Variants in CSMD2 observed in about 807,000 individuals in gnomAD.
The protein encoded by CSMD2 is CUB and sushi domain-containing protein 2.
CSMD2 carries 130 observed loss-of-function variants against 398.5 expected under a neutral mutation model. The observed-to-expected ratio is 0.33, with a 90% CI of 0.28 to 0.38. The LOEUF (loss-of-function observed/expected upper bound fraction) is 0.38, where lower values mean the gene tolerates loss of function less well. CSMD2 is among the 10% of genes least tolerant of loss of function. The probability of loss-of-function intolerance (pLI) is 1.00; values close to 1 mark genes in which losing one functional copy is unlikely to be tolerated. For missense variants in CSMD2, 3,829 were observed against 4,764.9 expected (o/e 0.80, Z 5.78); for synonymous variants, 1,828 against 1,908.5 (o/e 0.96, Z 1.10).
chr1:33,843,957 G>A (rs1224140277), intron 6 of CSMD2, among the ~76,000 whole-genome samples: 1 of 152,158 alleles, frequency 6.6e-6, no homozygotes, highest in African/African-American at 2.4e-5. Context: ...TAGTGGTGGT[G>A]TAGGCCACCT....
intron 42 of CSMD2, among the ~76,000 whole-genome samples, chr1:33,603,410 T>C (rs1236585061): frequency 3.9e-5 from 6 of 152,090 alleles, no homozygotes; most frequent in Admixed American, 3.9e-4. Flanking sequence ...TGGTCCAGAA[T>C]AATGAGTGTT....
At chr1:33,978,493 G>A (rs556878) in intron 3 of CSMD2, among the ~76,000 whole-genome samples, 89,383 of 151,978 alleles carry the variant, frequency 0.59, 28,038 homozygotes, top group East Asian at 0.84. Context: ...AGCCGTGGGA[G>A]CTCTGAGAGG....
intron 2 of CSMD2, among the ~76,000 whole-genome samples, chr1:34,084,428 T>C (rs1010071432): frequency 3.3e-5 from 5 of 152,152 alleles, no homozygotes; most frequent in Admixed American, 1.3e-4. Flanking sequence ...GAAACCACCA[T>C]CAGAGTGAAC....
chr1:33,768,372 A>G (rs939158692), intron 13 of CSMD2, among the ~76,000 whole-genome samples: 2 of 152,192 alleles, frequency 1.3e-5, no homozygotes, highest in Non-Finnish European at 1.5e-5. Flanking sequence ...GAGATGTGTT[A>G]AATATCCTAT....
chr1:33,779,758 G>A (rs1278222428), intron 12 of CSMD2, among the ~76,000 whole-genome samples: 2 of 152,182 alleles, frequency 1.3e-5, no homozygotes, highest in Admixed American at 6.6e-5. Context: ...TTATAGCAAC[G>A]GGTGCTGCAA....
intron 3 of CSMD2, among the ~76,000 whole-genome samples, chr1:33,974,954 A>T (rs1645906665): frequency 6.6e-6 from 1 of 152,232 alleles, no homozygotes; most frequent in Non-Finnish European, 1.5e-5. Context: ...TGGACGGAAC[A>T]GCCACCCTGA....
chr1:34,080,251 T>C (rs1656915813), intron 2 of CSMD2, among the ~76,000 whole-genome samples: 1 of 151,512 alleles, frequency 6.6e-6, no homozygotes, highest in Admixed American at 6.6e-5. Context: ...CTGAAGAGTA[T>C]AGGATCACAG....
chr1:34,129,117 TC>T (rs981762661), intron 1 of CSMD2, among the ~76,000 whole-genome samples: 13 of 151,782 alleles, frequency 8.6e-5, no homozygotes, highest in African/African-American at 2.9e-4. Flanking sequence ...GCTCCATGGG[TC>T]CCGCTGCCAC....
intron 5 of CSMD2, among the ~76,000 whole-genome samples, chr1:33,915,753 T>C (rs936198406): frequency 6.6e-6 from 1 of 152,190 alleles, no homozygotes; most frequent in Non-Finnish European, 1.5e-5. Flanking sequence ...GGGAACCACC[T>C]AACAAGAGGT....
chr1:33,737,724 A>C (rs1320838452), intron 15 of CSMD2, among the ~76,000 whole-genome samples: 1 of 152,158 alleles, frequency 6.6e-6, no homozygotes, highest in Non-Finnish European at 1.5e-5. Context: ...TCATTCATTC[A>C]TTTATTCGGT....
At chr1:33,605,493 G>C in intron 41 of CSMD2, 23 bp from the exon 42 acceptor site, 2 of 1,612,556 alleles carry the variant, frequency 1.2e-6, no homozygotes, top group Non-Finnish European at 1.7e-6. Context: ...CGGAGAAAAG[G>C]TCACTTTATT....
chr1:33,572,650 C>T lies in CSMD2; in HGVS notation c.7618G>A (p.Val2540Met), dbSNP rs1164789288. ...CCCACTGTGTACTCCTTGCCAAACA[C>T]CATTCCATTCTTGGGGGCCTCAGGA... ...GLPEAPKNGM[V>M]FGKEYTVGTK... The change falls in exon 50 of 71, where the codon GTG (valine) becomes ATG (methionine). Residue 2540 changes from valine (V) to methionine (M), a missense_variant. By Grantham distance (21) the Val-to-Met change is conservative. Coordinates refer to ENST00000373381, the MANE Select transcript of CSMD2 (RefSeq NM_001281956.2). 1 of 1,613,512 alleles carries T rather than the reference C, an allele frequency of 6.2e-7. No individual in the cohort carries two copies. Among genetic ancestry groups the T allele is most frequent in the Admixed American group, 1.7e-5 (1 of 59,976 alleles).
At chr1:33,988,522 G>T (rs1646437503) in intron 3 of CSMD2, among the ~76,000 whole-genome samples, 1 of 152,172 alleles carries the variant, frequency 6.6e-6, no homozygotes, top group Admixed American at 6.5e-5. Context: ...GCCACTCTCT[G>T]TTTCCTAACC....
In CSMD2 at chr1:33,895,172, T is replaced by C. The variant is rs550809020; in HGVS notation, c.920+22922A>G. ...AAATTGACAACAGCCCTAAGAAATATAAATTATTATTCCTGATAGCATTGT... is the reference window on the plus strand; with the variant it reads ...AAATTGACAACAGCCCTAAGAAATACAAATTATTATTCCTGATAGCATTGT... On this transcript the variant is annotated intron_variant, in intron 5 of 70. Transcript: ENST00000373381. 4.6e-5 allele frequency among the ~76,000 whole-genome samples: 7 copies of C among 152,284 alleles called. No homozygotes were observed. The East Asian group carries it at 1.2e-3, about 25-fold the overall frequency.
At position 33,635,053 on chromosome 1, in the gene CSMD2, C is replaced by T. The variant is rs897483604; in HGVS notation, c.5086+161G>A. ...TGTGTCCGGAATGTATTCTGCAGCC[C>T]GTTTGAGAAACGTCAGCACTCGGCC... is the stretch of plus-strand genomic sequence containing the variant. On this transcript the variant is annotated intron_variant, in intron 31 of 70. Transcript: ENST00000373381. The surrounding 1 kb of genome is among the most constrained non-coding windows in gnomAD (Gnocchi z 5.0). Among the ~76,000 whole-genome samples the T allele has an allele frequency of 2.6e-5, 4 of 152,132 alleles. No individual in the cohort carries two copies. The highest frequency in any genetic ancestry group is 7.2e-5 in the African/African-American group (3 of 41,424).
chr1:33,936,047 C>A (rs888316658), intron 3 of CSMD2, 93 bp from the exon 4 acceptor site: 3 of 1,057,954 alleles, frequency 2.8e-6, no homozygotes, highest in African/African-American at 3.2e-5. Context: ...CTAGGCCACT[C>A]GGGCTTCCTG....
chr1:33,842,786 C>T (rs924839306), intron 6 of CSMD2, among the ~76,000 whole-genome samples: 5 of 152,080 alleles, frequency 3.3e-5, no homozygotes, highest in Non-Finnish European at 7.4e-5. Context: ...TTCAACTGTT[C>T]AAAAATGTAA....
chr1:33,801,966 G>T (rs1379952059), intron 10 of CSMD2, among the ~76,000 whole-genome samples: 1 of 152,180 alleles, frequency 6.6e-6, no homozygotes, highest in Non-Finnish European at 1.5e-5. Context: ...AACCACCAGG[G>T]TCGTCTTTAA....
At chr1:33,958,781 A>G (rs1481559371) in intron 3 of CSMD2, among the ~76,000 whole-genome samples, 1 of 152,242 alleles carries the variant, frequency 6.6e-6, no homozygotes, top group African/African-American at 2.4e-5. Flanking sequence ...GACCCTTAGT[A>G]GAGAACTTAG....
Sources: gnomAD v4.1 joint callset for allele counts (sites outside exome capture counted in the v4.1 genomes callset) on GRCh38, gnomAD v4.1.1 for gene constraint, Gnocchi (gnomAD v3.1) non-coding constraint, MANE v1.5 for transcripts, NCBI Gene and HGNC (gene_info 2026-07-23, HGNC 2026-07-21) for gene names.